Variants in SLC9A9 observed in about 807,000 individuals in gnomAD.
SLC9A9 encodes the protein sodium/hydrogen exchanger 9.
In SLC9A9, 62 loss-of-function variants were observed where a neutral mutation model predicts 77.8. The observed-to-expected ratio is 0.80, with a 90% CI of 0.65 to 0.98. The LOEUF (loss-of-function observed/expected upper bound fraction) is 0.98, where lower values mean the gene tolerates loss of function less well. Ranked by LOEUF, SLC9A9 falls within the 50% of genes least tolerant of loss-of-function variation. SLC9A9 has a pLI of 0.00. For missense variants in SLC9A9, 775 were observed against 774.9 expected, an observed-to-expected ratio of 1.00 and a Z score of 0.00; for synonymous variants, 320 against 283.5, an observed-to-expected ratio of 1.13 and a Z score of -1.29.
rs143250911 is a variant in SLC9A9 at position 143,281,467 on chromosome 3, C to T, written c.1605-12487G>A. 8.0e-3 allele frequency among the ~76,000 whole-genome samples: 1,225 copies of T among 152,274 alleles called. 9 individuals are homozygous for T. The highest frequency in any genetic ancestry group is 0.014 in the Non-Finnish European group (932 of 68,012). On this transcript the variant is annotated intron_variant, in intron 14 of 15. Transcript: ENST00000316549. ...AAAAATCATTCTCCCACAGAATTGG[C>T]CACATCTGTAGCACCAAAGTGGAGA...
At chr3:143,370,432 TAGAGAGA>T (rs1217270775) in intron 13 of SLC9A9, among the ~76,000 whole-genome samples, 1 of 152,112 alleles carries the variant, frequency 6.6e-6, no homozygotes, top group Non-Finnish European at 1.5e-5. Flanking sequence ...TGGACCAACT[TAGAGAGA>T]GGAGGAAGTT....
chr3:143,422,919 A>G (rs887399146), intron 12 of SLC9A9, among the ~76,000 whole-genome samples: 1 of 152,190 alleles, frequency 6.6e-6, no homozygotes, highest in Non-Finnish European at 1.5e-5. Flanking sequence ...GCAAATCCAG[A>G]GTAGTTCAAG....
At chr3:143,730,059 G>C (rs900181256) in intron 4 of SLC9A9, among the ~76,000 whole-genome samples, 2 of 152,172 alleles carry the variant, frequency 1.3e-5, no homozygotes, top group Non-Finnish European at 2.9e-5. Context: ...CACACAAATA[G>C]CAGGTAGTTG....
intron 12 of SLC9A9, among the ~76,000 whole-genome samples, chr3:143,441,834 T>TCATTCATCCATCCATCCATCCATC (rs1553755021): frequency 1.5e-5 from 2 of 129,596 alleles, no homozygotes; most frequent in African/African-American, 5.2e-5. Context: ...ATTTACTCAT[T>TCATTCATCCATCCATCCATCCATC]CATCCATCCA....
intron 14 of SLC9A9, among the ~76,000 whole-genome samples, chr3:143,348,497 C>A (rs928311130): frequency 6.6e-6 from 1 of 152,052 alleles, no homozygotes; most frequent in Non-Finnish European, 1.5e-5. Flanking sequence ...GGATAAAAAC[C>A]ATGACAAGTG....
intron 2 of SLC9A9, among the ~76,000 whole-genome samples, chr3:143,801,237 G>A (rs529652410): frequency 4.1e-4 from 62 of 152,158 alleles, no homozygotes; most frequent in African/African-American, 1.4e-3. Context: ...CACAAGTACC[G>A]GGACCGCGCC....
At chr3:143,582,724 G>A (rs991781375) in intron 6 of SLC9A9, among the ~76,000 whole-genome samples, 2 of 152,220 alleles carry the variant, frequency 1.3e-5, no homozygotes, top group African/African-American at 2.4e-5. Context: ...CCTCAGCTGT[G>A]TGGGCAGGGG....
At chr3:143,439,742 G>A (rs1460694332) in intron 12 of SLC9A9, among the ~76,000 whole-genome samples, 19 of 152,236 alleles carry the variant, frequency 1.2e-4, no homozygotes, top group Non-Finnish European at 1.5e-5. Context: ...AAAGAGAGAT[G>A]CAAAGAACAC....
chr3:143,481,433 G>A (rs2035572369), intron 11 of SLC9A9, among the ~76,000 whole-genome samples: 2 of 152,178 alleles, frequency 1.3e-5, no homozygotes, highest in South Asian at 4.1e-4. Context: ...GAAGACCTTA[G>A]CATGCTGAAG....
intron 4 of SLC9A9, among the ~76,000 whole-genome samples, chr3:143,702,563 C>T (rs1374406078): frequency 6.6e-6 from 1 of 150,616 alleles, no homozygotes; most frequent in Non-Finnish European, 1.5e-5. Flanking sequence ...AAAAAAAATA[C>T]AATAAACACA....
intron 14 of SLC9A9, among the ~76,000 whole-genome samples, chr3:143,300,532 A>C (rs1171175107): frequency 6.6e-6 from 1 of 152,264 alleles, no homozygotes; most frequent in African/African-American, 2.4e-5. Context: ...AATAAAATGC[A>C]GATTCTGATT....
intron 2 of SLC9A9, among the ~76,000 whole-genome samples, chr3:143,818,192 G>A (rs2009071076): frequency 6.6e-6 from 1 of 152,076 alleles, no homozygotes; most frequent in Non-Finnish European, 1.5e-5. Flanking sequence ...AAGTGTAATG[G>A]AATCAGTAAT....
intron 5 of SLC9A9, among the ~76,000 whole-genome samples, chr3:143,658,515 T>C (rs761096201): frequency 2.0e-5 from 3 of 152,216 alleles, no homozygotes; most frequent in South Asian, 2.1e-4. Flanking sequence ...AATTATTCTT[T>C]TTACATTAAC....
intron 12 of SLC9A9, among the ~76,000 whole-genome samples, chr3:143,447,907 A>G (rs559000317): frequency 2.0e-5 from 3 of 152,336 alleles, no homozygotes; most frequent in East Asian, 1.9e-4. Flanking sequence ...AGGGATTTCT[A>G]TGTTCTATTT....
At position 143,700,927 on chromosome 3, in the gene SLC9A9, T is replaced by C. The variant is rs115928376; in HGVS notation, c.534-7620A>G. Among the ~76,000 whole-genome samples, 1,467 of 152,302 alleles carry C rather than the reference T, an allele frequency of 9.6e-3. 22 individuals are homozygous for C. Among genetic ancestry groups the C allele is most frequent in the African/African-American group, 0.033 (1,377 of 41,564 alleles). On this transcript the variant is annotated intron_variant, in intron 4 of 15. Transcript: ENST00000316549. ...TGGCCACAGGGGTACTTGTTTCACC[T>C]CAACCCCAGGTCCAGGCAGCTTAGA...
chr3:143,692,102 G>A (rs548217601), intron 5 of SLC9A9, among the ~76,000 whole-genome samples: 7 of 151,904 alleles, frequency 4.6e-5, no homozygotes, highest in Middle Eastern at 3.4e-3. Flanking sequence ...AGAAATACAG[G>A]GCACTGAGGA....
chr3:143,638,526 T>G (rs2038565300), intron 6 of SLC9A9, among the ~76,000 whole-genome samples: 1 of 152,232 alleles, frequency 6.6e-6, no homozygotes, highest in African/African-American at 2.4e-5. Context: ...GTGAAAGAAT[T>G]TCCTCCTTTT....
intron 12 of SLC9A9, among the ~76,000 whole-genome samples, chr3:143,420,924 C>T (rs1490475260): frequency 6.6e-6 from 1 of 152,072 alleles, no homozygotes; most frequent in Non-Finnish European, 1.5e-5. Flanking sequence ...ACCTGATAAA[C>T]AATTTTGGTA....
chr3:143,782,336 C>T (rs980812110), intron 4 of SLC9A9, among the ~76,000 whole-genome samples: 2 of 152,172 alleles, frequency 1.3e-5, no homozygotes, highest in African/African-American at 4.8e-5. Flanking sequence ...TTACCTAAGG[C>T]TCTTGTTAAT....
Sources: allele counts gnomAD v4.1 joint callset (sites outside exome capture counted in the v4.1 genomes callset), GRCh38; gene constraint gnomAD v4.1.1; transcripts MANE v1.5; gene names NCBI Gene and HGNC (gene_info 2026-07-23, HGNC 2026-07-21).